The following MITF variants were observed in gnomAD, a reference collection of about 807,000 sequenced individuals.
The protein encoded by MITF is microphthalmia-associated transcription factor.
A neutral mutation model predicts 60.5 loss-of-function variants in MITF; 17 were observed. The observed-to-expected ratio is 0.28, with a 90% CI of 0.19 to 0.42. MITF has a LOEUF of 0.42. Among genes scored for constraint, MITF ranks in the 10% least tolerant of loss-of-function variants. The pLI is 1.00. For missense variants in MITF, 622 were observed against 683.5 expected (o/e 0.91, Z 1.00); for synonymous variants, 260 against 248.5 (o/e 1.05, Z -0.43).
At chr3:69,827,452 G>A (rs2063374048) in intron 1 of MITF, among the ~76,000 whole-genome samples, 1 of 152,198 alleles carries the variant, frequency 6.6e-6, no homozygotes, top group Admixed American at 6.6e-5. Context: ...GGACATATTT[G>A]TCTTGAATAG....
At chr3:69,826,000 A>T (rs1163855444) in intron 1 of MITF, among the ~76,000 whole-genome samples, 2 of 152,232 alleles carry the variant, frequency 1.3e-5, no homozygotes, top group Admixed American at 1.3e-4. Flanking sequence ...AAAAGAATAG[A>T]TCAGTAAATG....
chr3:69,765,505 A>T (rs1311439611), intron 1 of MITF, among the ~76,000 whole-genome samples: 1 of 152,160 alleles, frequency 6.6e-6, no homozygotes, highest in Admixed American at 6.5e-5. Flanking sequence ...ATTGTTTAAG[A>T]TTTCAGAGGA....
chr3:69,866,256 G>T (rs776934527), intron 1 of MITF: 6 of 1,611,144 alleles, frequency 3.7e-6, no homozygotes, highest in Non-Finnish European at 5.1e-6. Flanking sequence ...TTCACTCTTC[G>T]CCAAGGGCTT....
chr3:69,938,669 C>A (rs2065900778), intron 3 of MITF: 2 of 1,324,028 alleles, frequency 1.5e-6, no homozygotes, highest in Non-Finnish European at 9.6e-7. Flanking sequence ...AAACTACCTT[C>A]AAGCTAATTG....
At chr3:69,803,586 TA>T (rs1235791347) in intron 1 of MITF, among the ~76,000 whole-genome samples, 2 of 152,130 alleles carry the variant, frequency 1.3e-5, no homozygotes, top group Non-Finnish European at 2.9e-5. Context: ...CTTGACATAT[TA>T]AAAAAAGGTT....
intron 2 of MITF, among the ~76,000 whole-genome samples, chr3:69,904,073 A>G (rs1179209301): frequency 1.3e-5 from 2 of 152,176 alleles, no homozygotes; most frequent in Non-Finnish European, 2.9e-5. Context: ...AAACACGTCT[A>G]GAAACAAGGT....
At chr3:69,827,518 G>C (rs1274680810) in intron 1 of MITF, among the ~76,000 whole-genome samples, 1 of 152,186 alleles carries the variant, frequency 6.6e-6, no homozygotes, top group East Asian at 1.9e-4. Flanking sequence ...CTGCTGGGAA[G>C]TGGCATATGT....
intron 1 of MITF, among the ~76,000 whole-genome samples, chr3:69,796,883 A>T (rs2062840526): frequency 6.6e-6 from 1 of 152,202 alleles, no homozygotes; most frequent in South Asian, 2.1e-4. Context: ...ACTTGAGCAA[A>T]TGCCACCAAC....
chr3:69,861,000 A>G (rs922935107), intron 1 of MITF, among the ~76,000 whole-genome samples: 2 of 152,206 alleles, frequency 1.3e-5, no homozygotes, highest in African/African-American at 2.4e-5. Flanking sequence ...GTAGGTAGTC[A>G]TTAAAAATTT....
At chr3:69,904,316 G>A (rs548268988) in intron 2 of MITF, among the ~76,000 whole-genome samples, 37 of 152,218 alleles carry the variant, frequency 2.4e-4, no homozygotes, top group Admixed American at 2.0e-3. Flanking sequence ...CCATTTAACC[G>A]TACTGAAGAC....
intron 2 of MITF, among the ~76,000 whole-genome samples, chr3:69,885,055 G>A (rs1226758959): frequency 2.0e-5 from 3 of 152,016 alleles, no homozygotes; most frequent in Admixed American, 2.0e-4. Flanking sequence ...TAACTGAGGG[G>A]TACAGCACAA....
At chr3:69,956,105 A>G (rs946959965) in intron 7 of MITF, among the ~76,000 whole-genome samples, 1 of 152,206 alleles carries the variant, frequency 6.6e-6, no homozygotes, top group African/African-American at 2.4e-5. Context: ...CTAAGGGGTT[A>G]GGTTAGAATT....
intron 1 of MITF, among the ~76,000 whole-genome samples, chr3:69,852,162 A>C (rs2063834954): frequency 6.6e-6 from 1 of 152,194 alleles, no homozygotes; most frequent in Non-Finnish European, 1.5e-5. Flanking sequence ...GTCTTAAAGA[A>C]TAGGTAGATT....
chr3:69,819,979 A>G (rs1308694104), intron 1 of MITF, among the ~76,000 whole-genome samples: 1 of 152,148 alleles, frequency 6.6e-6, no homozygotes, highest in Non-Finnish European at 1.5e-5. Context: ...ACAAACAAAC[A>G]AACAAAAACA....
chr3:69,967,973 A>G lies in MITF; in HGVS notation c.*2725A>G, dbSNP rs1456592932. 4.3e-6 allele frequency: 1 copy of G among 233,532 alleles called. No homozygotes were observed. Among genetic ancestry groups the G allele is most frequent in the Non-Finnish European group, 8.5e-6 (1 of 117,982 alleles). The allele number at this position is 233,532 out of a possible 1,614,324, so 14.5% of individuals were successfully genotyped here. A position where few individuals can be genotyped will look rare whatever the true frequency, so the allele number is the denominator to read the frequency against. On this transcript the variant is annotated 3_prime_UTR_variant, in exon 10 of 10. Coordinates refer to ENST00000352241, the MANE Select transcript of MITF (RefSeq NM_001354604.2). ...CAAAAAGCATACAAGCAACCTGGTC[A>G]TACATAGGATGACAAAATTCTTTCT... is the stretch of plus-strand genomic sequence containing the variant.
intron 7 of MITF, 103 bp from the exon 8 acceptor site, chr3:69,956,352 G>T: frequency 1.1e-6 from 1 of 919,028 alleles, no homozygotes; most frequent in Admixed American, 1.8e-5. Context: ...GGTTTCCGTT[G>T]TCATGACCTG....
At chr3:69,800,883 C>T (rs1341494742) in intron 1 of MITF, among the ~76,000 whole-genome samples, 1 of 151,912 alleles carries the variant, frequency 6.6e-6, no homozygotes, top group Non-Finnish European at 1.5e-5. Flanking sequence ...AGTGACTGAA[C>T]CAGAAAAAGG....
chr3:69,893,624 C>T (rs562980249), intron 2 of MITF, among the ~76,000 whole-genome samples: 3 of 152,210 alleles, frequency 2.0e-5, no homozygotes, highest in African/African-American at 7.2e-5. Flanking sequence ...TGAGAAGTGA[C>T]TAGAAGGTTA....
intron 2 of MITF, among the ~76,000 whole-genome samples, chr3:69,889,487 T>TAA (rs372955963): frequency 2.4e-4 from 31 of 130,156 alleles, no homozygotes; most frequent in African/African-American, 5.9e-4. Context: ...CTAAAAATAG[T>TAA]AAAAAAAAAA....
Sources: allele counts gnomAD v4.1 joint callset (sites outside exome capture counted in the v4.1 genomes callset), GRCh38; gene constraint gnomAD v4.1.1; transcripts MANE v1.5; gene names NCBI Gene and HGNC (gene_info 2026-07-23, HGNC 2026-07-21).